LY75: variants seen among roughly 807,000 people sequenced by gnomAD.
The protein encoded by LY75 is C-type lectin domain family 13 member B.
LY75 carries 185 observed loss-of-function variants against 231.7 expected under a neutral mutation model. The observed-to-expected ratio is 0.80, with a 90% CI of 0.71 to 0.90. LY75 has a LOEUF of 0.90. Among genes scored for constraint, LY75 ranks in the 40% least tolerant of loss-of-function variants. The pLI, the probability that LY75 is intolerant of heterozygous loss-of-function variation, is 0.00. For synonymous variants in LY75, 668 were observed against 689.0 expected (o/e 0.97, Z 0.48); for missense variants, 1,947 against 2,050.2 (o/e 0.95, Z 0.97).
In LY75 at chr2:159,885,303, G is replaced by C. The variant is rs1685551860; in HGVS notation, c.914-10C>G. ...GGTGCACTGGGCCTGTCTTAAAAGG[G>C]AACATTTTTCAAAGCATTAGAATGA... On this transcript the variant is annotated splice_polypyrimidine_tract_variant and intron_variant, in intron 5 of 34. Transcript: ENST00000263636. 1 of 1,608,924 alleles carries C rather than the reference G, an allele frequency of 6.2e-7. No individual in the cohort carries two copies. The highest frequency in any genetic ancestry group is 8.5e-7 in the Non-Finnish European group (1 of 1,177,476).
chr2:159,861,216 T>C (rs954133086), intron 14 of LY75, among the ~76,000 whole-genome samples: 2 of 152,174 alleles, frequency 1.3e-5, no homozygotes, highest in African/African-American at 4.8e-5. Context: ...TTTGATTAAC[T>C]AATCTCAGAT....
intron 2 of LY75, among the ~76,000 whole-genome samples, chr2:159,898,152 A>G (rs1574603992): frequency 6.6e-6 from 1 of 152,128 alleles, no homozygotes; most frequent in African/African-American, 2.4e-5. Flanking sequence ...CCCAGGCTGA[A>G]GTGCAGTGGC....
chr2:159,894,692 C>G (rs1363916180), intron 2 of LY75, among the ~76,000 whole-genome samples: 1 of 152,142 alleles, frequency 6.6e-6, no homozygotes, highest in Non-Finnish European at 1.5e-5. Flanking sequence ...TGGGAAGGTA[C>G]AAGGCATGGT....
At chr2:159,876,705 G>C (rs2125872586) in intron 11 of LY75, among the ~76,000 whole-genome samples, 1 of 152,024 alleles carries the variant, frequency 6.6e-6, no homozygotes, top group South Asian at 2.1e-4. Flanking sequence ...TTTACTCTTA[G>C]TGTCTATAAA....
chr2:159,845,498 G>A (rs1305720624), intron 23 of LY75, among the ~76,000 whole-genome samples: 1 of 151,038 alleles, frequency 6.6e-6, no homozygotes, highest in Non-Finnish European at 1.5e-5. Context: ...CATATCCGTG[G>A]GTTCTGAATC....
intron 1 of LY75, chr2:159,903,534 C>T (rs1574608547): frequency 1.3e-5 from 2 of 152,332 alleles, no homozygotes; most frequent in Admixed American, 6.5e-5. Flanking sequence ...AGGATGATGC[C>T]ATTCACACTC....
Position 159,904,553 on chromosome 2 carries a change from C to T in LY75, c.94+36G>A, listed in dbSNP as rs1686181016. The T allele has an allele frequency of 2.7e-6, 4 of 1,500,824 alleles. No individual in the cohort carries two copies. The South Asian group carries it at 3.7e-5, about 14-fold the overall frequency. 93.0% of individuals were successfully genotyped at this position (1,500,824 alleles called of 1,614,324 possible). On this transcript the variant is annotated intron_variant, in intron 1 of 34. Transcript: ENST00000263636. ...GCAGCAGAGCTGTGGCGTCGAGGCA[C>T]CCAGCGGACTGCGGGGCTGGCGTGC...
Position 159,835,345 on chromosome 2 carries a change from A to G in LY75, c.3673+135T>C, listed in dbSNP as rs1163602588. ...ACTTGAATACAAATTTTCACAACAAATGTTGCCATAAAAAGACATGACTAT... is the reference window on the plus strand; with the variant it reads ...ACTTGAATACAAATTTTCACAACAAGTGTTGCCATAAAAAGACATGACTAT... On this transcript the variant is annotated intron_variant, in intron 26 of 34. Coordinates refer to ENST00000263636, the MANE Select transcript of LY75 (RefSeq NM_002349.4). 8.9e-6 allele frequency: 8 copies of G among 896,908 alleles called. No individual in the cohort carries two copies. In the Admixed American group the frequency reaches 1.9e-4, roughly 21 times the overall value. 55.6% of individuals were successfully genotyped at this position (896,908 alleles called of 1,614,324 possible).
chr2:159,831,589 C>T (rs1363138341), intron 28 of LY75, 81 bp downstream of exon 28: 1 of 1,465,312 alleles, frequency 6.8e-7, no homozygotes, highest in Non-Finnish European at 9.4e-7. Flanking sequence ...TAGACATGTA[C>T]TTTGAAGAAC....
At chr2:159,808,378 C>G (rs1179054163) in intron 33 of LY75, 71 bp downstream of exon 33, 1 of 1,608,782 alleles carries the variant, frequency 6.2e-7, no homozygotes, top group Non-Finnish European at 8.5e-7. Context: ...CATTCTTTAG[C>G]AAGGACGACT....
At chr2:159,892,191 C>T (rs531187370) in intron 3 of LY75, among the ~76,000 whole-genome samples, 4 of 152,282 alleles carry the variant, frequency 2.6e-5, no homozygotes, top group Admixed American at 2.6e-4. Flanking sequence ...TTCTGTTGCA[C>T]CCTGAAATCT....
At chr2:159,845,013 T>C (rs1192019465) in intron 23 of LY75, among the ~76,000 whole-genome samples, 1 of 152,110 alleles carries the variant, frequency 6.6e-6, no homozygotes, top group Non-Finnish European at 1.5e-5. Context: ...TTAATTTGCT[T>C]AGGATTATGG....
At chr2:159,901,472 G>A (rs995090889) in intron 1 of LY75, among the ~76,000 whole-genome samples, 5 of 152,118 alleles carry the variant, frequency 3.3e-5, no homozygotes, top group African/African-American at 4.8e-5. Flanking sequence ...TGTCTTTCCC[G>A]GGCATTCTGC....
At chr2:159,889,391 TA>T (rs560751172) in intron 4 of LY75, among the ~76,000 whole-genome samples, 204 of 151,892 alleles carry the variant, frequency 1.3e-3, no homozygotes, top group Non-Finnish European at 2.4e-3. Context: ...AACAGCCAAT[TA>T]AAAAAAAATT....
At position 159,808,539 on chromosome 2, in the gene LY75, C is replaced by T; in HGVS notation, c.4732G>A (p.Glu1578Lys). ...HSATIVSIKD[E>K]DENKFVSRLM... ...CTGCTCACAAATTTATTCTCATCTTCATCTTTTATGGAAACGATAGTTGCA... is the reference window on the plus strand; with the variant it reads ...CTGCTCACAAATTTATTCTCATCTTTATCTTTTATGGAAACGATAGTTGCA... The change falls in exon 33 of 35, where the codon GAA (glutamate) becomes AAA (lysine). Residue 1578 changes from glutamate to lysine, a missense_variant. By Grantham distance (56) the Glu-to-Lys change is moderately conservative. Coordinates refer to ENST00000263636, the MANE Select transcript of LY75 (RefSeq NM_002349.4). The T allele has an allele frequency of 6.2e-7, 1 of 1,613,746 alleles. No homozygotes were observed. Among genetic ancestry groups the T allele is most frequent in the Non-Finnish European group, 8.5e-7 (1 of 1,179,954 alleles).
intron 23 of LY75, among the ~76,000 whole-genome samples, chr2:159,848,154 G>GTA (rs1684272002): frequency 1.9e-5 from 2 of 107,180 alleles, no homozygotes; most frequent in African/African-American, 1.2e-4. Context: ...TATATATGGT[G>GTA]TGTGTGTGTG....
chr2:159,848,093 T>TATACACACACAC, intron 23 of LY75, among the ~76,000 whole-genome samples: 1 of 28,556 alleles, frequency 3.5e-5, no homozygotes, highest in Non-Finnish European at 7.9e-5. Context: ...TATATATATA[T>TATACACACACAC]ACACACACAC....
chr2:159,898,592 T>C, intron 2 of LY75, 96 bp downstream of exon 2: 1 of 1,522,542 alleles, frequency 6.6e-7, no homozygotes, highest in Non-Finnish European at 8.8e-7. Flanking sequence ...CTGCCCTTAC[T>C]AATGTACGAC....
At chr2:159,823,421 CA>C (rs1252753205) in intron 28 of LY75, among the ~76,000 whole-genome samples, 1 of 152,124 alleles carries the variant, frequency 6.6e-6, no homozygotes, top group Admixed American at 6.5e-5. Context: ...AAGGAATGAA[CA>C]AAGCCTCCAA....
Sources: allele counts gnomAD v4.1 joint callset (sites outside exome capture counted in the v4.1 genomes callset), GRCh38; gene constraint gnomAD v4.1.1; transcripts MANE v1.5; gene names NCBI Gene and HGNC (gene_info 2026-07-23, HGNC 2026-07-21).